RASEF: variants seen among roughly 807,000 people sequenced by gnomAD.
RASEF encodes the protein RAS and EF-hand domain containing.
A neutral mutation model predicts 90.1 loss-of-function variants in RASEF; 68 were observed. The ratio of observed to expected loss-of-function variants is 0.75; its 90% CI spans 0.62 to 0.92. The LOEUF (loss-of-function observed/expected upper bound fraction) is 0.92. Among genes scored for constraint, RASEF ranks in the 40% least tolerant of loss-of-function variants. The probability of loss-of-function intolerance (pLI) is 0.00; values close to 1 mark genes in which losing one functional copy is unlikely to be tolerated. For missense variants in RASEF, 949 were observed against 937.2 expected (o/e 1.01, Z -0.16); for synonymous variants, 331 against 345.2 (o/e 0.96, Z 0.46).
chr9:83,000,394 G>A, intron 11 of RASEF, 39 bp downstream of exon 11: 1 of 1,611,826 alleles, frequency 6.2e-7, no homozygotes, highest in Non-Finnish European at 8.5e-7. Flanking sequence ...CAGAAAATAA[G>A]CAGTGTTCAT....
chr9:83,128,286 T>G, the RASEF span, among the ~76,000 whole-genome samples: 3 of 152,064 alleles, frequency 2.0e-5, no homozygotes, highest in African/African-American at 7.2e-5. Flanking sequence ...TGAAACCCGA[T>G]CTTCAAGCTG....
the RASEF span, among the ~76,000 whole-genome samples, chr9:83,143,342 C>T: frequency 1.3e-5 from 2 of 152,014 alleles, no homozygotes; most frequent in African/African-American, 4.8e-5. Flanking sequence ...CGACAAAGGT[C>T]TAATATCCAG....
intron 1 of RASEF, among the ~76,000 whole-genome samples, chr9:83,041,812 G>C (rs537005645): frequency 6.6e-6 from 1 of 152,128 alleles, no homozygotes; most frequent in African/African-American, 2.4e-5. Context: ...TCCGACTTTG[G>C]CACATTATTC....
the RASEF span, among the ~76,000 whole-genome samples, chr9:83,081,833 G>A: frequency 2.4e-4 from 36 of 152,246 alleles, no homozygotes; most frequent in African/African-American, 8.4e-4. Context: ...TAAGACTCCT[G>A]AAGTACAGGC....
chr9:83,049,683 C>A (rs1299430980), intron 1 of RASEF, among the ~76,000 whole-genome samples: 1 of 139,124 alleles, frequency 7.2e-6, no homozygotes, highest in Non-Finnish European at 1.5e-5. Context: ...AATGCTATCC[C>A]TTCCCCCCTC....
chr9:83,117,354 T>C, the RASEF span, among the ~76,000 whole-genome samples: 4 of 152,222 alleles, frequency 2.6e-5, no homozygotes, highest in African/African-American at 9.6e-5. Context: ...GTCTCCACCA[T>C]GGCCAAAATG....
At chr9:83,088,338 TTATC>T in the RASEF span, among the ~76,000 whole-genome samples, 4 of 150,384 alleles carry the variant, frequency 2.7e-5, no homozygotes, top group African/African-American at 9.8e-5. Flanking sequence ...TCTATATCTC[TTATC>T]TATCTATATA....
the RASEF span, among the ~76,000 whole-genome samples, chr9:83,130,921 T>C: frequency 6.6e-6 from 1 of 152,228 alleles, no homozygotes; most frequent in Admixed American, 6.5e-5. Flanking sequence ...TAATATTTGT[T>C]GAAGGCTTAC....
At chr9:83,080,450 G>A in the RASEF span, among the ~76,000 whole-genome samples, 1 of 152,296 alleles carries the variant, frequency 6.6e-6, no homozygotes, top group African/African-American at 2.4e-5. Flanking sequence ...GATAGTATAT[G>A]TGGCCCGCAC....
At chr9:83,070,366 A>AT in the RASEF span, among the ~76,000 whole-genome samples, 3 of 152,158 alleles carry the variant, frequency 2.0e-5, no homozygotes, top group African/African-American at 7.2e-5. Context: ...TTCCAGTGTT[A>AT]TTTTTTTAAA....
At chr9:83,143,999 C>T in the RASEF span, among the ~76,000 whole-genome samples, 3 of 152,108 alleles carry the variant, frequency 2.0e-5, no homozygotes, top group Non-Finnish European at 4.4e-5. Context: ...CTGTCCTTTG[C>T]AGCAACATGG....
the RASEF span, among the ~76,000 whole-genome samples, chr9:83,202,340 G>C: frequency 1.3e-5 from 2 of 152,074 alleles, no homozygotes; most frequent in Non-Finnish European, 2.9e-5. Context: ...AGAGAAAACA[G>C]AACTATAAAT....
At chr9:82,990,290 AGT>A (rs1215979694) in intron 16 of RASEF, 99 bp downstream of exon 16, 2 of 753,684 alleles carry the variant, frequency 2.7e-6, no homozygotes, top group African/African-American at 3.6e-5. Context: ...CAGATAAGAG[AGT>A]GTTTTCCCGC....
At chr9:83,096,073 T>C in the RASEF span, among the ~76,000 whole-genome samples, 3 of 152,160 alleles carry the variant, frequency 2.0e-5, no homozygotes, top group African/African-American at 7.2e-5. Flanking sequence ...CACACTTAGC[T>C]TCCCTTCTCC....
the RASEF span, among the ~76,000 whole-genome samples, chr9:83,207,899 C>A: frequency 6.6e-6 from 1 of 152,280 alleles, no homozygotes; most frequent in Non-Finnish European, 1.5e-5. Context: ...AACCACCGCG[C>A]CTGGCCAAGG....
At chr9:83,091,365 C>A in the RASEF span, among the ~76,000 whole-genome samples, 2 of 152,064 alleles carry the variant, frequency 1.3e-5, no homozygotes, top group Non-Finnish European at 2.9e-5. Context: ...ACCAGCCTGT[C>A]CAACATGGTG....
upstream of RASEF, chr9:83,063,254 C>G: frequency 4.8e-6 from 1 of 207,188 alleles, no homozygotes; most frequent in Non-Finnish European, 9.5e-6. Context: ...GCCCCGGAGT[C>G]CACCGCTGCT....
chr9:83,086,116 G>A, the RASEF span, among the ~76,000 whole-genome samples: 2 of 152,052 alleles, frequency 1.3e-5, no homozygotes, highest in Non-Finnish European at 2.9e-5. Flanking sequence ...AATCAATTAA[G>A]AATTATCACC....
chr9:82,994,575 T>C (rs1006629362), intron 14 of RASEF, among the ~76,000 whole-genome samples: 5 of 152,194 alleles, frequency 3.3e-5, no homozygotes, highest in African/African-American at 7.2e-5. Context: ...ACAAGCTCCA[T>C]AAGGACAGGG....
Sources: gnomAD v4.1 joint callset for allele counts (sites outside exome capture counted in the v4.1 genomes callset) on GRCh38, gnomAD v4.1.1 for gene constraint, MANE v1.5 for transcripts, NCBI Gene and HGNC (gene_info 2026-07-23, HGNC 2026-07-21) for gene names.